Variants in MIOS observed in about 807,000 individuals in gnomAD.
MIOS encodes GATOR2 complex protein MIOS.
MIOS carries 52 observed loss-of-function variants against 96.9 expected under a neutral mutation model. That is an observed-to-expected ratio of 0.54 (90% CI 0.43 to 0.68). The LOEUF is 0.68. Among genes scored for constraint, MIOS ranks in the 30% least tolerant of loss-of-function variants. The pLI, the probability that MIOS is intolerant of heterozygous loss-of-function variation, is 0.00. For missense variants in MIOS, 1,005 were observed against 1,052.8 expected (o/e 0.95, Z 0.63); for synonymous variants, 397 against 359.5 (o/e 1.10, Z -1.18).
chr7:7,603,220 C>G (rs1174129918), intron 11 of MIOS, among the ~76,000 whole-genome samples: 1 of 151,648 alleles, frequency 6.6e-6, no homozygotes, highest in Admixed American at 6.6e-5. Context: ...CAAATGGGAT[C>G]TAATTAAACT....
In MIOS at chr7:7,572,839, A is replaced by C. The variant is rs199743843; in HGVS notation, c.364A>C (p.Asn122His). ...ACGACAATGTAATACCCTTGCCTGG[A>C]ATCCACTGGATAGTAACTGGCTAGC... ...HARQCNTLAW[N>H]PLDSNWLAAG... The change falls in exon 4 of 13, where the codon AAT becomes CAT. Residue 122 changes from asparagine (N) to histidine (H), a missense_variant. Asn to His is a moderately conservative substitution (Grantham distance 68). Around this residue, in one of 3 missense-constraint regions of MIOS, gnomAD observed 137 missense variants for 148.6 expected, o/e 0.92. Coordinates refer to ENST00000340080, the MANE Select transcript of MIOS (RefSeq NM_019005.4). The surrounding 1 kb of genome is among the most constrained non-coding windows in gnomAD (Gnocchi z 4.8). 4.3e-6 allele frequency: 7 copies of C among 1,614,196 alleles called. No homozygotes were observed. Among genetic ancestry groups the C allele is most frequent in the Non-Finnish European group, 5.9e-6 (7 of 1,180,010 alleles).
intron 8 of MIOS, among the ~76,000 whole-genome samples, chr7:7,588,857 T>G (rs1376203230): frequency 6.6e-6 from 1 of 152,178 alleles, no homozygotes; most frequent in African/African-American, 2.4e-5. Context: ...TCCTCATTTT[T>G]ACTACATTAA....
chr7:7,602,654 G>T (rs1189073362), intron 11 of MIOS, among the ~76,000 whole-genome samples: 1 of 152,126 alleles, frequency 6.6e-6, no homozygotes, highest in Non-Finnish European at 1.5e-5. Flanking sequence ...ACTGCCCAAG[G>T]TAATTTATAG....
At chr7:7,602,486 A>G (rs1784407996) in intron 11 of MIOS, among the ~76,000 whole-genome samples, 1 of 152,172 alleles carries the variant, frequency 6.6e-6, no homozygotes, top group African/African-American at 2.4e-5. Flanking sequence ...TGCTTCAAAG[A>G]GAATAAAATA....
intron 9 of MIOS, among the ~76,000 whole-genome samples, chr7:7,591,816 C>T (rs571204013): frequency 2.0e-5 from 3 of 152,034 alleles, no homozygotes; most frequent in East Asian, 1.9e-4. Context: ...TTGGGAAGTA[C>T]GGGGATATTA....
chr7:7,572,989 T>A lies in MIOS; in HGVS notation c.514T>A (p.Leu172Ile), dbSNP rs1450097180. The A allele has an allele frequency of 1.9e-6, 3 of 1,614,076 alleles. No homozygotes were observed. Among genetic ancestry groups the A allele is most frequent in the Non-Finnish European group, 2.5e-6 (3 of 1,179,960 alleles). Reference sequence around the variant, plus strand: ...TTCAGCAGGTGAAACTGAAACAACATTATTAGTAACAAAACCACTTTATGA... The same window carrying A: ...TTCAGCAGGTGAAACTGAAACAACAATATTAGTAACAAAACCACTTTATGA... ...KLSAGETETT[L>I]LVTKPLYELG... The change falls in exon 4 of 13, where the codon TTA becomes ATA. Residue 172 changes from leucine to isoleucine, a missense_variant. By Grantham distance (5) the Leu-to-Ile change is conservative (BLOSUM62 2). This residue lies in a region of MIOS where 865 missense variants were observed against 887.9 expected (regional missense o/e 0.97). Transcript: ENST00000340080. The surrounding 1 kb of genome is among the most constrained non-coding windows in gnomAD (Gnocchi z 4.8).
chr7:7,603,632 A>G (rs1784441649), intron 11 of MIOS, among the ~76,000 whole-genome samples: 1 of 152,186 alleles, frequency 6.6e-6, no homozygotes, highest in African/African-American at 2.4e-5. Context: ...AACTAGTTCA[A>G]CCATTGTGGA....
At chr7:7,584,625 T>C (rs560321231) in intron 6 of MIOS, among the ~76,000 whole-genome samples, 5 of 152,210 alleles carry the variant, frequency 3.3e-5, no homozygotes, top group African/African-American at 1.2e-4. Context: ...AAAGTGTTTA[T>C]AGAAATGAGG....
chr7:7,581,479 G>A (rs1041167545), intron 5 of MIOS, among the ~76,000 whole-genome samples: 2 of 152,036 alleles, frequency 1.3e-5, no homozygotes, highest in African/African-American at 2.4e-5. Context: ...CATTTCCATG[G>A]GTCAGGAGTC....
intron 7 of MIOS, among the ~76,000 whole-genome samples, chr7:7,587,283 G>C (rs1563029786): frequency 6.6e-6 from 1 of 152,184 alleles, no homozygotes; most frequent in East Asian, 1.9e-4. Context: ...GCCTCCCAAA[G>C]TGCTGGGATT....
chr7:7,597,512 ATAT>A (rs1563041122), intron 11 of MIOS, among the ~76,000 whole-genome samples: 3,978 of 52,824 alleles, frequency 0.075, 943 homozygotes, highest in South Asian at 0.14. Context: ...ATATATATAT[ATAT>A]ATGAAGGCAA....
At chr7:7,576,694 G>A (rs953620520) in intron 5 of MIOS, among the ~76,000 whole-genome samples, 2 of 152,156 alleles carry the variant, frequency 1.3e-5, no homozygotes, top group Non-Finnish European at 2.9e-5. Flanking sequence ...GAAACAGATG[G>A]ATTTGTGACA....
chr7:7,572,972 G>T lies in MIOS; in HGVS notation c.497G>T (p.Gly166Val). 1 of 1,614,088 alleles carries T rather than the reference G, an allele frequency of 6.2e-7. No individual in the cohort carries two copies. ...ATGGAAAAAGTGAAACTTTCAGCAG[G>T]TGAAACTGAAACAACATTATTAGTA... ...VPMEKVKLSAGETETTLLVTK... is the reference protein window; with the variant it reads ...VPMEKVKLSAVETETTLLVTK... Residue 166 changes from glycine (G) to valine (V), a missense_variant, in exon 4 of 13, where the codon GGT becomes GTT. By Grantham distance (109) the Gly-to-Val change is moderately radical. Coordinates refer to ENST00000340080, the MANE Select transcript of MIOS (RefSeq NM_019005.4). This position sits in a 1 kb window ranked among gnomAD's most constrained non-coding sequence, Gnocchi z 4.8.
rs766186760 is a variant in MIOS, at chr7:7,585,782, A to T, written c.1795A>T (p.Thr599Ser). 6.2e-7 allele frequency: 1 copy of T among 1,608,796 alleles called. No individual in the cohort carries two copies. The highest frequency in any genetic ancestry group is 8.5e-7 in the Non-Finnish European group (1 of 1,177,900). ...CVMFAFLTSETGSYDGVLYEN... is the reference protein window; with the variant it reads ...CVMFAFLTSESGSYDGVLYEN... ...CATGTTTGCATTTCTGACAAGTGAA[A>T]CAGGATCTTACGATGGAGTTTTGGT... is the stretch of plus-strand genomic sequence containing the variant. Residue 599 changes from threonine (T) to serine (S), a missense_variant, in exon 7 of 13, where the codon ACA (threonine) becomes TCA (serine). Transcript: ENST00000340080.
At chr7:7,584,898 T>C (rs2115414593) in intron 6 of MIOS, among the ~76,000 whole-genome samples, 1 of 152,262 alleles carries the variant, frequency 6.6e-6, no homozygotes, top group Middle Eastern at 3.4e-3. Context: ...TAAAAGACTA[T>C]TGGTAACAAA....
At chr7:7,583,509 AAC>A (rs1199536453) in intron 6 of MIOS, 137 bp downstream of exon 6, 36 of 994,070 alleles carry the variant, frequency 3.6e-5, no homozygotes, top group East Asian at 1.1e-4. Context: ...TGGAGGAGAA[AAC>A]ACAGCAGTAT....
intron 9 of MIOS, among the ~76,000 whole-genome samples, chr7:7,590,315 G>T (rs1784012189): frequency 6.6e-6 from 1 of 152,104 alleles, no homozygotes; most frequent in Non-Finnish European, 1.5e-5. Context: ...CTTACCTAAT[G>T]TATCAAGCCA....
chr7:7,577,986 C>CA lies in MIOS; in HGVS notation c.1393+3790_1393+3791insA, dbSNP rs561912514. ...AGATGAAAATGAAGACAGGATAAGA[C>CA]TGATAAGTAAAAATAATAGTGGTGA... On this transcript the variant is annotated intron_variant, in intron 5 of 12. Coordinates refer to ENST00000340080, the MANE Select transcript of MIOS (RefSeq NM_019005.4). Among the ~76,000 whole-genome samples, 364 of 152,120 alleles carry CA rather than the reference C, an allele frequency of 2.4e-3. 1 individual carries two copies. The highest frequency in any genetic ancestry group is 8.4e-3 in the African/African-American group (349 of 41,484).
Position 7,573,593 on chromosome 7 carries a change from A to G in MIOS, c.1118A>G (p.His373Arg). 3 of 1,614,076 alleles carry G rather than the reference A, an allele frequency of 1.9e-6. No individual in the cohort carries two copies. Among genetic ancestry groups the G allele is most frequent in the East Asian group, 4.5e-5 (2 of 44,874 alleles). Residue 373 changes from histidine to arginine, a missense_variant, in exon 4 of 13, where the codon CAT becomes CGT. Around this residue, in one of 3 missense-constraint regions of MIOS, gnomAD observed 865 missense variants for 887.9 expected, o/e 0.97. Coordinates refer to ENST00000340080, the MANE Select transcript of MIOS (RefSeq NM_019005.4). This position sits in a 1 kb window ranked among gnomAD's most constrained non-coding sequence, Gnocchi z 5.0. ...TCTTTAATGTGGGCTTGTGGTCGTC[A>G]TTTATATGAATGTACGGAAGAAGAA... ...ITSLMWACGR[H>R]LYECTEEEND... is the part of the protein sequence containing the mutation.
Sources: allele counts gnomAD v4.1 joint callset (sites outside exome capture counted in the v4.1 genomes callset), GRCh38; gene constraint gnomAD v4.1.1; regional missense constraint gnomAD v4.1.1; non-coding constraint Gnocchi (gnomAD v3.1); transcripts MANE v1.5; gene names NCBI Gene and HGNC (gene_info 2026-07-23, HGNC 2026-07-21).